The following SEPTIN11 variants were observed in gnomAD, a reference collection of about 807,000 sequenced individuals.
The protein encoded by SEPTIN11 is septin 11.
In SEPTIN11, 25 loss-of-function variants were observed where a neutral mutation model predicts 51.4. The ratio of observed to expected loss-of-function variants is 0.49; its 90% CI spans 0.35 to 0.68. SEPTIN11 has a LOEUF of 0.68. Among genes scored for constraint, SEPTIN11 ranks in the 30% least tolerant of loss-of-function variants. The pLI is 0.00. For synonymous variants in SEPTIN11, 174 were observed against 184.1 expected, an observed-to-expected ratio of 0.95 and a Z score of 0.44; for missense variants, 381 against 520.8, an observed-to-expected ratio of 0.73 and a Z score of 2.61.
At chr4:77,008,151 T>C (rs768604910) in intron 3 of SEPTIN11, among the ~76,000 whole-genome samples, 9 of 152,220 alleles carry the variant, frequency 5.9e-5, no homozygotes, top group Non-Finnish European at 1.2e-4. Flanking sequence ...TCACTCTTTG[T>C]TATTTAAGGG....
intron 1 of SEPTIN11, among the ~76,000 whole-genome samples, chr4:76,979,928 T>A (rs1020794074): frequency 6.6e-6 from 1 of 152,072 alleles, no homozygotes; most frequent in Admixed American, 6.6e-5. Context: ...GAGGGACATA[T>A]TGAGAAGCTT....
In SEPTIN11 at chr4:77,014,920, A is replaced by G. The variant is rs1255235586; in HGVS notation, c.590A>G (p.Lys197Arg). ...TIAKNELHKFKSKIMSELVSN... is the reference protein window; with the variant it reads ...TIAKNELHKFRSKIMSELVSN... ...GCCAAGAATGAACTGCACAAATTCA[A>G]GAGTAAGATCATGAGTGAACTGGTC... is the stretch of plus-strand genomic sequence containing the variant. The change falls in exon 5 of 10, where the codon AAG (lysine) becomes AGG (arginine). Residue 197 changes from lysine (K) to arginine (R), a missense_variant. Lys to Arg is a conservative substitution (Grantham distance 26). Around this residue, in one of 2 missense-constraint regions of SEPTIN11, gnomAD observed 197 missense variants for 313.1 expected, o/e 0.63. Transcript: ENST00000264893. The G allele has an allele frequency of 1.2e-6, 2 of 1,614,186 alleles. No homozygotes were observed. The highest frequency in any genetic ancestry group is 1.1e-5 in the South Asian group (1 of 91,084).
At chr4:77,003,038 C>A (rs1267029889) in intron 2 of SEPTIN11, among the ~76,000 whole-genome samples, 1 of 152,236 alleles carries the variant, frequency 6.6e-6, no homozygotes, top group African/African-American at 2.4e-5. Flanking sequence ...CTGTCTGCAG[C>A]ATGGCTTCTG....
intron 9 of SEPTIN11, among the ~76,000 whole-genome samples, chr4:77,033,220 G>A (rs1037724489): frequency 3.9e-5 from 6 of 152,100 alleles, no homozygotes; most frequent in African/African-American, 9.7e-5. Flanking sequence ...TAGAGGGACC[G>A]CAGAAAGACA....
intron 1 of SEPTIN11, among the ~76,000 whole-genome samples, chr4:76,960,734 A>C (rs1363903089): frequency 2.6e-5 from 4 of 152,216 alleles, no homozygotes; most frequent in Non-Finnish European, 4.4e-5. Context: ...CTGTTCATTA[A>C]GTCAACAAAT....
At position 77,020,663 on chromosome 4, in the gene SEPTIN11, C is replaced by A. The variant is rs1725653420; in HGVS notation, c.946C>A (p.Pro316Thr). The change falls in exon 7 of 10, where the codon CCC becomes ACC. Residue 316 changes from proline to threonine, a missense_variant. Coordinates refer to ENST00000264893, the MANE Select transcript of SEPTIN11 (RefSeq NM_018243.4). The stretch of plus-strand genomic sequence containing the variant: ...CAAGGACACTGACCCTGACAGCAAA[C>A]CCTTCAGGTATGAAGGCATCTAGCA... Reference protein sequence around the residue: ...GFKDTDPDSKPFSLQETYEAK... With the variant: ...GFKDTDPDSKTFSLQETYEAK... 1 of 1,613,978 alleles carries A rather than the reference C, an allele frequency of 6.2e-7. No individual in the cohort carries two copies. The highest frequency in any genetic ancestry group is 1.7e-5 in the Admixed American group (1 of 60,000).
In SEPTIN11 at chr4:76,949,886, G is replaced by A; in HGVS notation, c.-18G>A. On this transcript the variant is annotated 5_prime_UTR_variant, in exon 1 of 10. Coordinates refer to ENST00000264893, the MANE Select transcript of SEPTIN11 (RefSeq NM_018243.4). ...CGTAAAGCACCCGGGCGCAGCCGGA[G>A]CCGGTGCCGCAGCTGCGATGGCCGT... 1.3e-6 allele frequency: 2 copies of A among 1,526,460 alleles called. No homozygotes were observed. The highest frequency in any genetic ancestry group is 4.0e-5 in the Admixed American group (2 of 50,564). The allele number at this position is 1,526,460 out of a possible 1,614,324, so 94.6% of individuals were successfully genotyped here. A position where few individuals can be genotyped will look rare whatever the true frequency, so the allele number is the denominator to read the frequency against.
At chr4:76,977,589 G>A (rs1370805406) in intron 1 of SEPTIN11, among the ~76,000 whole-genome samples, 1 of 152,090 alleles carries the variant, frequency 6.6e-6, no homozygotes. Context: ...CTCAGAAGTG[G>A]ATAATGGAGT....
At chr4:76,969,039 CAT>C (rs1722140058) in intron 1 of SEPTIN11, among the ~76,000 whole-genome samples, 1 of 152,154 alleles carries the variant, frequency 6.6e-6, no homozygotes, top group Non-Finnish European at 1.5e-5. Context: ...CTTCTTCCCA[CAT>C]GTTATGTTTG....
At chr4:77,019,939 A>G (rs1725577948) in intron 6 of SEPTIN11, among the ~76,000 whole-genome samples, 1 of 152,234 alleles carries the variant, frequency 6.6e-6, no homozygotes, top group South Asian at 2.1e-4. Flanking sequence ...AGTACCTTTG[A>G]GATCCCTGGG....
At position 77,003,699 on chromosome 4, in the gene SEPTIN11, A is replaced by C. The variant is rs145587437; in HGVS notation, c.143-1902A>C. On this transcript the variant is annotated intron_variant, in intron 2 of 9. Coordinates refer to ENST00000264893, the MANE Select transcript of SEPTIN11 (RefSeq NM_018243.4). The stretch of plus-strand genomic sequence containing the variant: ...AATCAGAGAAAGCTCAAATCCAGAA[A>C]GACTTCATCCTCCTTCACTTTTGTA... Among the ~76,000 whole-genome samples, 355 of 152,350 alleles carry C rather than the reference A, an allele frequency of 2.3e-3. 1 individual carries two copies. The highest frequency in any genetic ancestry group is 8.1e-3 in the African/African-American group (338 of 41,584).
chr4:76,952,461 T>G (rs1189781530), intron 1 of SEPTIN11, among the ~76,000 whole-genome samples: 1 of 152,192 alleles, frequency 6.6e-6, no homozygotes, highest in African/African-American at 2.4e-5. Flanking sequence ...TACCCTAAAT[T>G]TTTGATATTC....
At chr4:76,999,021 A>G (rs1400143930) in intron 2 of SEPTIN11, among the ~76,000 whole-genome samples, 1 of 152,172 alleles carries the variant, frequency 6.6e-6, no homozygotes, top group Non-Finnish European at 1.5e-5. Context: ...TCACAGTTAC[A>G]TAGGTGCTTT....
At chr4:77,012,050 T>G (rs1455410879) in intron 4 of SEPTIN11, 129 bp downstream of exon 4, 3 of 605,644 alleles carry the variant, frequency 5.0e-6, no homozygotes, top group Non-Finnish European at 7.8e-6. Context: ...TTTGACAGCA[T>G]GAGAAAAACG....
chr4:77,038,673 C>T (rs186773992), downstream of SEPTIN11: 44 of 1,020,612 alleles, frequency 4.3e-5, no homozygotes, highest in Non-Finnish European at 4.9e-5. Context: ...CATATGTACA[C>T]GTGCTTACTG....
chr4:77,028,858 TC>T, intron 8 of SEPTIN11, 97 bp downstream of exon 8: 2 of 1,300,638 alleles, frequency 1.5e-6, no homozygotes, highest in Non-Finnish European at 2.0e-6. Context: ...CCAAGTACTT[TC>T]TACATGCATT....
intron 1 of SEPTIN11, among the ~76,000 whole-genome samples, chr4:76,955,926 G>T (rs112051726): frequency 6.6e-6 from 1 of 152,054 alleles, no homozygotes. Context: ...TGGTGGGGCT[G>T]GGGGGGAAGA....
At position 77,037,155 on chromosome 4, in the gene SEPTIN11, A is replaced by G. The variant is rs1436186660; in HGVS notation, c.*2643A>G. On this transcript the variant is annotated 3_prime_UTR_variant, in exon 10 of 10. Transcript: ENST00000264893. The stretch of plus-strand genomic sequence containing the variant: ...GGTGGGCAGATCACTTGAGGCCTGG[A>G]GTTCAAGACCACCTTGGCGAACACG... 1 of 777,744 alleles carries G rather than the reference A, an allele frequency of 1.3e-6. No homozygotes were observed. Among genetic ancestry groups the G allele is most frequent in the East Asian group, 1.1e-4 (1 of 8,860 alleles). 48.2% of individuals were successfully genotyped at this position (777,744 alleles called of 1,614,324 possible). A position where few individuals can be genotyped will look rare whatever the true frequency, so the allele number is the denominator to read the frequency against.
intron 1 of SEPTIN11, among the ~76,000 whole-genome samples, chr4:76,983,828 T>C (rs953033541): frequency 1.3e-5 from 2 of 152,032 alleles, no homozygotes; most frequent in Admixed American, 1.3e-4. Flanking sequence ...GCCAACGTGG[T>C]GAAACCCCGT....
Sources: allele counts gnomAD v4.1 joint callset (sites outside exome capture counted in the v4.1 genomes callset), GRCh38; gene constraint gnomAD v4.1.1; regional missense constraint gnomAD v4.1.1; transcripts MANE v1.5; gene names NCBI Gene and HGNC (gene_info 2026-07-23, HGNC 2026-07-21).